The following ERC2 variants were observed in gnomAD, a reference collection of about 807,000 sequenced individuals.
The protein encoded by ERC2 is ELKS/RAB6-interacting/CAST family member 2.
In ERC2, 42 loss-of-function variants were observed where a neutral mutation model predicts 114.8. That is an observed-to-expected ratio of 0.37 (90% CI 0.29 to 0.47). ERC2 has a LOEUF of 0.47. Among genes scored for constraint, ERC2 ranks in the 20% least tolerant of loss-of-function variants. ERC2 has a pLI of 0.99. For missense variants in ERC2, 939 were observed against 1,150.7 expected (o/e 0.82, Z 2.66); for synonymous variants, 454 against 425.5 (o/e 1.07, Z -0.82).
Position 55,719,613 on chromosome 3 carries a change from G to A in ERC2, c.2712+15158C>T, listed in dbSNP as rs147527574. Among the ~76,000 whole-genome samples the A allele has an allele frequency of 1.5e-3, 223 of 152,200 alleles. 1 individual carries two copies. Among genetic ancestry groups the A allele is most frequent in the Middle Eastern group, 6.8e-3 (2 of 294 alleles). On this transcript the variant is annotated intron_variant, in intron 15 of 17. Coordinates refer to ENST00000288221, the MANE Select transcript of ERC2 (RefSeq NM_015576.3). ...TGCCAAAAGCACAAAGAGGCAACTG[G>A]GACATTTGCTCATACTATCTGCTAT...
chr3:56,259,865 A>G (rs985537809), intron 3 of ERC2, among the ~76,000 whole-genome samples: 1 of 152,112 alleles, frequency 6.6e-6, no homozygotes, highest in Non-Finnish European at 1.5e-5. Context: ...GGATCTATAA[A>G]AGGTAAATTC....
intron 16 of ERC2, among the ~76,000 whole-genome samples, chr3:55,685,256 GA>G (rs1475891735): frequency 6.6e-6 from 1 of 152,174 alleles, no homozygotes; most frequent in East Asian, 1.9e-4. Flanking sequence ...TGACTGACTT[GA>G]GTCAATGGAA....
At chr3:55,727,310 T>C (rs1196283279) in intron 15 of ERC2, among the ~76,000 whole-genome samples, 12 of 152,192 alleles carry the variant, frequency 7.9e-5, no homozygotes, top group African/African-American at 2.4e-4. Flanking sequence ...CTCTCAAAAC[T>C]GCACAAATCT....
chr3:56,088,471 G>A (rs970811180), intron 6 of ERC2, among the ~76,000 whole-genome samples: 1 of 151,950 alleles, frequency 6.6e-6, no homozygotes, highest in Non-Finnish European at 1.5e-5. Flanking sequence ...AAAGAAGGGG[G>A]AAAAAATGAC....
At chr3:55,973,273 T>G (rs571059543) in intron 12 of ERC2, among the ~76,000 whole-genome samples, 6 of 152,240 alleles carry the variant, frequency 3.9e-5, no homozygotes, top group African/African-American at 1.4e-4. Flanking sequence ...ATCTGTTGGA[T>G]TAGTTACAGT....
intron 3 of ERC2, among the ~76,000 whole-genome samples, chr3:56,291,814 C>T (rs1187159506): frequency 6.8e-6 from 1 of 147,198 alleles, no homozygotes; most frequent in Non-Finnish European, 1.5e-5. Context: ...CAGACACATT[C>T]TTTCTACTAA....
intron 6 of ERC2, among the ~76,000 whole-genome samples, chr3:56,126,425 A>T (rs566489050): frequency 6.6e-6 from 1 of 152,348 alleles, no homozygotes; most frequent in East Asian, 1.9e-4. Flanking sequence ...AAAACTCTCA[A>T]CAAATTAGGC....
intron 1 of ERC2, among the ~76,000 whole-genome samples, chr3:56,445,046 T>C (rs916101753): frequency 1.3e-5 from 2 of 152,206 alleles, no homozygotes; most frequent in African/African-American, 2.4e-5. Context: ...GTTGCCAACA[T>C]AGAAAGATAG....
intron 3 of ERC2, 148 bp downstream of exon 3, chr3:56,295,871 T>C (rs2055396881): frequency 2.5e-6 from 2 of 811,580 alleles, no homozygotes; most frequent in Admixed American, 3.2e-5. Context: ...TCCAGTTTAA[T>C]GGTCTTAAGC....
chr3:55,852,098 T>C (rs1575846881), intron 14 of ERC2, among the ~76,000 whole-genome samples: 1 of 152,178 alleles, frequency 6.6e-6, no homozygotes, highest in African/African-American at 2.4e-5. Context: ...CGCATTCTTC[T>C]AATCCCAGCT....
chr3:55,731,160 T>C (rs2148911243), intron 15 of ERC2, among the ~76,000 whole-genome samples: 1 of 152,152 alleles, frequency 6.6e-6, no homozygotes, highest in African/African-American at 2.4e-5. Context: ...TTCTGACATG[T>C]CTGCTCACTG....
chr3:55,720,657 G>A (rs967993809), intron 15 of ERC2, among the ~76,000 whole-genome samples: 20 of 152,030 alleles, frequency 1.3e-4, no homozygotes, highest in African/African-American at 4.1e-4. Context: ...ATGAGTACCT[G>A]GCTCCCAAAA....
intron 2 of ERC2, among the ~76,000 whole-genome samples, chr3:56,325,232 C>T (rs149514452): frequency 1.0e-3 from 156 of 152,080 alleles, no homozygotes; most frequent in Middle Eastern, 3.4e-3. Flanking sequence ...ATTACGAGGT[C>T]AGGAGACTGA....
Position 55,574,301 on chromosome 3 carries a change from C to A in ERC2, c.*40-63025G>T, listed in dbSNP as rs148149611. Among the ~76,000 whole-genome samples the A allele has an allele frequency of 7.9e-5, 12 of 152,184 alleles. No homozygotes were observed. The East Asian group carries it at 2.3e-3, about 29-fold the overall frequency. On this transcript the variant is annotated intron_variant, in intron 17 of 17. Transcript: ENST00000288221. Reference sequence around the variant, plus strand: ...CATACCATTCGGTGGTTGCTATTTTCTCTGTCAATTCCCTAATGAAATCTT... The same window carrying A: ...CATACCATTCGGTGGTTGCTATTTTATCTGTCAATTCCCTAATGAAATCTT...
At chr3:55,922,026 T>C (rs1040553526) in intron 13 of ERC2, among the ~76,000 whole-genome samples, 1 of 152,064 alleles carries the variant, frequency 6.6e-6, no homozygotes, top group Non-Finnish European at 1.5e-5. Flanking sequence ...TACAGAGAAA[T>C]GTATTCATTC....
chr3:55,705,538 C>T (rs1430686961), intron 15 of ERC2, among the ~76,000 whole-genome samples: 1 of 152,192 alleles, frequency 6.6e-6, no homozygotes, highest in East Asian at 1.9e-4. Flanking sequence ...GACAGAGCCA[C>T]AGCCATATAC....
chr3:55,742,541 G>A (rs1008834539), intron 14 of ERC2, among the ~76,000 whole-genome samples: 2 of 152,328 alleles, frequency 1.3e-5, no homozygotes. Flanking sequence ...TTTGGATAAT[G>A]ACATATAAGA....
At chr3:55,616,070 G>A (rs893706148) in intron 17 of ERC2, among the ~76,000 whole-genome samples, 4 of 152,124 alleles carry the variant, frequency 2.6e-5, no homozygotes, top group Non-Finnish European at 5.9e-5. Flanking sequence ...TCCTTCCCAG[G>A]CCATCCTCCT....
In ERC2 at chr3:55,547,607, C is replaced by T. The variant is rs142202399; in HGVS notation, c.*40-36331G>A. Among the ~76,000 whole-genome samples, 206 of 152,284 alleles carry T rather than the reference C, an allele frequency of 1.4e-3. 1 individual carries two copies. Among genetic ancestry groups the T allele is most frequent in the African/African-American group, 4.6e-3 (190 of 41,562 alleles). On this transcript the variant is annotated intron_variant, in intron 17 of 17. Transcript: ENST00000288221. ...TCCGTGGGGTAGCACACAAAACCCCCAGCCGTAGGAGAGCTTTGCTCAGTC... is the reference window on the plus strand; with the variant it reads ...TCCGTGGGGTAGCACACAAAACCCCTAGCCGTAGGAGAGCTTTGCTCAGTC...
Sources: gnomAD v4.1 joint callset for allele counts (sites outside exome capture counted in the v4.1 genomes callset) on GRCh38, gnomAD v4.1.1 for gene constraint, MANE v1.5 for transcripts, NCBI Gene and HGNC (gene_info 2026-07-23, HGNC 2026-07-21) for gene names.